The following TENM2 variants were observed in gnomAD, a reference collection of about 807,000 sequenced individuals.
TENM2 encodes teneurin transmembrane protein 2, also known as teneurin-2.
A neutral mutation model predicts 245.2 loss-of-function variants in TENM2; 52 were observed. The ratio of observed to expected loss-of-function variants is 0.21; its 90% CI spans 0.17 to 0.27. TENM2 has a LOEUF of 0.27. Ranked by LOEUF, TENM2 falls within the 10% of genes least tolerant of loss-of-function variation. TENM2 has a pLI of 1.00. For synonymous variants in TENM2, 1,363 were observed against 1,438.9 expected, an observed-to-expected ratio of 0.95 and a Z score of 1.19; for missense variants, 3,046 against 3,666.8, an observed-to-expected ratio of 0.83 and a Z score of 4.37.
intron 3 of TENM2, among the ~76,000 whole-genome samples, chr5:167,931,420 A>G (rs1395201429): frequency 2.0e-5 from 3 of 152,164 alleles, no homozygotes; most frequent in Non-Finnish European, 2.9e-5. Flanking sequence ...TCCTGATGGT[A>G]TAGACTCAAA....
chr5:168,117,596 A>G (rs970299994), intron 9 of TENM2, among the ~76,000 whole-genome samples: 3 of 152,222 alleles, frequency 2.0e-5, no homozygotes, highest in Admixed American at 6.5e-5. Context: ...ATTGTACCAT[A>G]TTCACCTATT....
intron 28 of TENM2, among the ~76,000 whole-genome samples, chr5:168,261,462 G>A (rs1394308829): frequency 6.6e-6 from 1 of 152,222 alleles, no homozygotes; most frequent in Non-Finnish European, 1.5e-5. Flanking sequence ...GTTCTGGAGT[G>A]AGGCCTGAGA....
rs529428122 is a variant in TENM2 at position 167,751,282 on chromosome 5, T to C, written c.503-124704T>C. Among the ~76,000 whole-genome samples, 16 of 152,288 alleles carry C rather than the reference T, an allele frequency of 1.1e-4. No homozygotes were observed. The South Asian group carries it at 3.3e-3, about 32-fold the overall frequency. On this transcript the variant is annotated intron_variant, in intron 2 of 28. Coordinates refer to ENST00000518659, the Ensembl canonical transcript of TENM2. ...GTGACAGATGTTTAAGAAGGGAGTG[T>C]AATGACCAGATTTGTTTTTAAAAGA...
At chr5:167,362,619 G>GC (rs1759784901) in intron 1 of TENM2, among the ~76,000 whole-genome samples, 1 of 152,164 alleles carries the variant, frequency 6.6e-6, no homozygotes, top group Non-Finnish European at 1.5e-5. Flanking sequence ...TGCTGTAAAT[G>GC]CAAGTGTCAT....
At chr5:167,568,821 T>C (rs1774082170) in intron 2 of TENM2, among the ~76,000 whole-genome samples, 1 of 152,124 alleles carries the variant, frequency 6.6e-6, no homozygotes, top group Non-Finnish European at 1.5e-5. Flanking sequence ...TTTAGTATTA[T>C]ATAGACTTAG....
intron 2 of TENM2, among the ~76,000 whole-genome samples, chr5:167,599,682 TG>T (rs1461040391): frequency 1.3e-5 from 2 of 152,188 alleles, no homozygotes; most frequent in African/African-American, 4.8e-5. Context: ...CAGATGGTTT[TG>T]TTGGGTTTTT....
rs528621955 is a variant in TENM2, at chr5:168,120,916, T to C, written c.2008+2430T>C. ...CTATTAACAAATTTGCCCAAGAAAA[T>C]GAAAGGATGTATTCGTGAGGTTTCA... On this transcript the variant is annotated intron_variant, in intron 10 of 28. Coordinates refer to ENST00000518659, the Ensembl canonical transcript of TENM2. Among the ~76,000 whole-genome samples, 21 of 152,246 alleles carry C rather than the reference T, an allele frequency of 1.4e-4. No individual in the cohort carries two copies. In the East Asian group the frequency reaches 3.9e-3, roughly 28 times the overall value.
rs772715004 is a variant in TENM2 at position 168,262,265 on chromosome 5, C to T, written c.7780C>T (p.Arg2594Cys). The T allele has an allele frequency of 1.0e-5, 16 of 1,607,246 alleles. No individual in the cohort carries two copies. In the Admixed American group the frequency reaches 1.7e-4, roughly 17 times the overall value. The change falls in exon 29 of 29, where the codon CGC becomes TGC. Residue 2594 changes from arginine to cysteine, a missense_variant. Transcript: ENST00000518659. ...GTCCAGCATCGCCAGCGAAGATAGC[C>T]GCAAGGTGGCATCTGTGCTGAACAA...
chr5:167,691,488 C>T (rs76349021), intron 2 of TENM2, among the ~76,000 whole-genome samples: 4 of 152,292 alleles, frequency 2.6e-5, no homozygotes, highest in Non-Finnish European at 5.9e-5. Context: ...GGTGTTTACC[C>T]AGTTAAGATC....
chr5:168,226,570 C>T (rs1764209318), intron 24 of TENM2, among the ~76,000 whole-genome samples: 1 of 152,142 alleles, frequency 6.6e-6, no homozygotes, highest in South Asian at 2.1e-4. Context: ...ACCTCTTACC[C>T]TTCCATCACC....
chr5:167,317,526 A>T (rs1421366418), intron 1 of TENM2, among the ~76,000 whole-genome samples: 2 of 152,118 alleles, frequency 1.3e-5, no homozygotes, highest in African/African-American at 4.8e-5. Flanking sequence ...TCTGTCTATT[A>T]TTCCTTTTGT....
chr5:167,909,382 A>G (rs777694969), intron 3 of TENM2, among the ~76,000 whole-genome samples: 1 of 152,206 alleles, frequency 6.6e-6, no homozygotes, highest in African/African-American at 2.4e-5. Context: ...ATGATGGATT[A>G]TTAAAAGTAT....
chr5:167,866,964 C>T (rs1227259332), intron 2 of TENM2, among the ~76,000 whole-genome samples: 2 of 152,236 alleles, frequency 1.3e-5, no homozygotes, highest in African/African-American at 4.8e-5. Context: ...GGATGTAGAA[C>T]ACGCCCATCA....
intron 2 of TENM2, among the ~76,000 whole-genome samples, chr5:167,677,723 A>T (rs1442525920): frequency 6.8e-6 from 1 of 147,298 alleles, no homozygotes; most frequent in East Asian, 1.9e-4. Flanking sequence ...TATGATAATT[A>T]TATGTTTATA....
intron 4 of TENM2, among the ~76,000 whole-genome samples, chr5:167,957,485 C>T (rs889686270): frequency 7.9e-5 from 12 of 152,186 alleles, no homozygotes; most frequent in African/African-American, 2.2e-4. Flanking sequence ...CAGTTCTGCT[C>T]TGATCTTCGT....
At chr5:167,654,715 C>G (rs973620551) in intron 2 of TENM2, among the ~76,000 whole-genome samples, 2 of 151,954 alleles carry the variant, frequency 1.3e-5, no homozygotes, top group African/African-American at 4.8e-5. Context: ...AGAAGACAAA[C>G]TAATAGCTCT....
chr5:167,374,000 G>A (rs974626852), intron 1 of TENM2, among the ~76,000 whole-genome samples: 7 of 152,106 alleles, frequency 4.6e-5, no homozygotes, highest in African/African-American at 1.4e-4. Flanking sequence ...TTCACTTTCC[G>A]TAAGTGAGGC....
intron 16 of TENM2, 101 bp downstream of exon 18, chr5:168,199,215 G>C: frequency 7.8e-7 from 1 of 1,278,664 alleles, no homozygotes; most frequent in Non-Finnish European, 1.1e-6. Context: ...ATATTGTAGG[G>C]GAGTAAAAAA....
intron 2 of TENM2, among the ~76,000 whole-genome samples, chr5:167,586,598 T>C (rs530657912): frequency 1.6e-4 from 24 of 152,222 alleles, no homozygotes; most frequent in Non-Finnish European, 3.1e-4. Flanking sequence ...CTATGTCTTA[T>C]GTGCAAACTC....
Sources: gnomAD v4.1 joint callset for allele counts (sites outside exome capture counted in the v4.1 genomes callset) on GRCh38, gnomAD v4.1.1 for gene constraint, MANE v1.5 for transcripts, NCBI Gene and HGNC (gene_info 2026-07-23, HGNC 2026-07-21) for gene names.